Variants in ATE1 observed in about 807,000 individuals in gnomAD.
The protein encoded by ATE1 is arginyl-tRNA--protein transferase 1.
A neutral mutation model predicts 70.5 loss-of-function variants in ATE1; 36 were observed. The ratio of observed to expected loss-of-function variants is 0.51; its 90% CI spans 0.39 to 0.67. The LOEUF (loss-of-function observed/expected upper bound fraction) is 0.67, where lower values mean the gene tolerates loss of function less well. ATE1 is among the 30% of genes least tolerant of loss of function. ATE1 has a pLI of 0.00. For synonymous variants in ATE1, 232 were observed against 219.3 expected (o/e 1.06, Z -0.51); for missense variants, 593 against 629.5 (o/e 0.94, Z 0.62).
chr10:121,845,780 C>T (rs1446269884), intron 8 of ATE1, among the ~76,000 whole-genome samples: 1 of 152,170 alleles, frequency 6.6e-6, no homozygotes, highest in Non-Finnish European at 1.5e-5. Flanking sequence ...TAGAAAGATT[C>T]ATGTGCTAAT....
chr10:121,801,763 C>A (rs934501553), intron 10 of ATE1, among the ~76,000 whole-genome samples: 1 of 151,958 alleles, frequency 6.6e-6, no homozygotes, highest in African/African-American at 2.4e-5. Flanking sequence ...TAGCTGAGGC[C>A]ACCCTCACCT....
At chr10:121,798,200 C>G (rs1304648931) in intron 10 of ATE1, among the ~76,000 whole-genome samples, 1 of 152,276 alleles carries the variant, frequency 6.6e-6, no homozygotes, top group East Asian at 1.9e-4. Context: ...TAGTTCTCAA[C>G]CTTTGGGAAT....
chr10:121,830,038 G>A (rs1472201383), intron 10 of ATE1, among the ~76,000 whole-genome samples: 2 of 152,186 alleles, frequency 1.3e-5, no homozygotes, highest in Non-Finnish European at 2.9e-5. Flanking sequence ...GAACATTCAT[G>A]CTTGGACCAA....
chr10:121,909,880 A>AAAATTT (rs1951351464), intron 5 of ATE1, among the ~76,000 whole-genome samples: 1 of 152,026 alleles, frequency 6.6e-6, no homozygotes, highest in African/African-American at 2.4e-5. Flanking sequence ...CCCTGTCTCT[A>AAAATTT]CAAAAAATTT....
intron 11 of ATE1, among the ~76,000 whole-genome samples, chr10:121,775,477 AAAC>A (rs780798537): frequency 3.3e-5 from 5 of 152,176 alleles, no homozygotes; most frequent in Non-Finnish European, 7.3e-5. Flanking sequence ...TAAAGTTAAA[AAAC>A]AACAACAAAA....
intron 2 of ATE1, 105 bp downstream of exon 2, chr10:121,924,161 A>G (rs570030714): frequency 9.6e-7 from 1 of 1,036,708 alleles, no homozygotes; most frequent in South Asian, 1.4e-5. Flanking sequence ...TATAATAAAA[A>G]TTTTTCTTAA....
rs117350842 is a variant in ATE1, at chr10:121,837,187, A to G, written c.1158-370T>C. Among the ~76,000 whole-genome samples, 1,375 of 152,344 alleles carry G rather than the reference A, an allele frequency of 9.0e-3. 10 individuals carry two copies. The highest frequency in any genetic ancestry group is 0.013 in the Non-Finnish European group (888 of 68,024). On this transcript the variant is annotated intron_variant, in intron 9 of 11. Transcript: ENST00000224652. Reference sequence around the variant, plus strand: ...TTAAAAACAGTACAGCACATTTTAGAAAACTCAAAAGCCAATAAATTACAG... The same window carrying G: ...TTAAAAACAGTACAGCACATTTTAGGAAACTCAAAAGCCAATAAATTACAG...
chr10:121,859,101 AAAAG>A (rs756824741), intron 8 of ATE1, among the ~76,000 whole-genome samples: 1 of 152,162 alleles, frequency 6.6e-6, no homozygotes, highest in Non-Finnish European at 1.5e-5. Flanking sequence ...GTCTCCAAAA[AAAAG>A]AAAGAAAGAA....
chr10:121,927,729 T>C, intron 1 of ATE1, 115 bp downstream of exon 1: 1 of 1,356,852 alleles, frequency 7.4e-7, no homozygotes, highest in Non-Finnish European at 9.5e-7. Flanking sequence ...CCCCTCCGTC[T>C]CGGCCGTGGC....
intron 7 of ATE1, among the ~76,000 whole-genome samples, chr10:121,895,820 A>C (rs1950759212): frequency 6.6e-6 from 1 of 152,074 alleles, no homozygotes; most frequent in South Asian, 2.1e-4. Flanking sequence ...TCAGGTGGCT[A>C]AGGCATAAGA....
At chr10:121,927,336 T>G in intron 1 of ATE1, 1 of 984,926 alleles carries the variant, frequency 1.0e-6, no homozygotes, top group Non-Finnish European at 1.2e-6. Context: ...CCTTTTTTTT[T>G]TTAACTTTTT....
intron 11 of ATE1, among the ~76,000 whole-genome samples, chr10:121,764,305 G>A (rs796135896): frequency 5.9e-5 from 9 of 151,856 alleles, no homozygotes; most frequent in East Asian, 1.9e-4. Flanking sequence ...CACCTTTGCC[G>A]TTTTTCTATA....
intron 1 of ATE1, among the ~76,000 whole-genome samples, chr10:121,924,763 GAA>G (rs1164318508): frequency 6.6e-6 from 1 of 150,578 alleles, no homozygotes; most frequent in African/African-American, 2.4e-5. Context: ...TTGGATAAAT[GAA>G]AAGTTTGTAC....
At chr10:121,869,060 A>G in intron 8 of ATE1, among the ~76,000 whole-genome samples, 1 of 152,272 alleles carries the variant, frequency 6.6e-6, no homozygotes, top group East Asian at 1.9e-4. Context: ...GTGCAAGGCA[A>G]GGAACAGAGT....
chr10:121,858,821 C>T (rs910655497), intron 8 of ATE1, among the ~76,000 whole-genome samples: 5 of 151,724 alleles, frequency 3.3e-5, no homozygotes, highest in Admixed American at 1.3e-4. Context: ...AAGGGCCGGG[C>T]GCGGTGGCTC....
chr10:121,810,723 GAC>G (rs1947286405), intron 10 of ATE1, among the ~76,000 whole-genome samples: 1 of 151,650 alleles, frequency 6.6e-6, no homozygotes, highest in Non-Finnish European at 1.5e-5. Flanking sequence ...TTTTTGTTGA[GAC>G]AGAGTCTCAC....
At chr10:121,897,910 T>G (rs977618483) in intron 7 of ATE1, among the ~76,000 whole-genome samples, 4 of 151,328 alleles carry the variant, frequency 2.6e-5, no homozygotes, top group African/African-American at 9.7e-5. Context: ...GGTCTGCAAA[T>G]GACACTTTAA....
intron 11 of ATE1, among the ~76,000 whole-genome samples, chr10:121,772,631 CGT>C (rs1196388985): frequency 6.6e-6 from 1 of 152,188 alleles, no homozygotes; most frequent in Non-Finnish European, 1.5e-5. Flanking sequence ...AACAAAGTCA[CGT>C]CATGCTCCAT....
At chr10:121,886,952 C>T (rs1253174714) in intron 7 of ATE1, among the ~76,000 whole-genome samples, 1 of 151,842 alleles carries the variant, frequency 6.6e-6, no homozygotes, top group Non-Finnish European at 1.5e-5. Context: ...AAAATGTAAG[C>T]CATTAAGAGG....
Sources: allele counts gnomAD v4.1 joint callset (sites outside exome capture counted in the v4.1 genomes callset), GRCh38; gene constraint gnomAD v4.1.1; transcripts MANE v1.5; gene names NCBI Gene and HGNC (gene_info 2026-07-23, HGNC 2026-07-21).